CERCAM: variants seen among roughly 807,000 people sequenced by gnomAD.
CERCAM encodes the protein inactive glycosyltransferase 25 family member 3.
A neutral mutation model predicts 66.0 loss-of-function variants in CERCAM; 59 were observed. The observed-to-expected ratio is 0.89, with a 90% CI of 0.73 to 1.11. The LOEUF is 1.11. Ranked by LOEUF, CERCAM falls within the 50% of genes most tolerant of loss-of-function variation. The pLI, the probability that CERCAM is intolerant of heterozygous loss-of-function variation, is 0.00. For synonymous variants in CERCAM, 318 were observed against 343.6 expected (o/e 0.93, Z 0.83); for missense variants, 840 against 828.3 (o/e 1.01, Z -0.17).
chr9:128,423,617 CAAAAA>C (rs751848613), intron 3 of CERCAM, among the ~76,000 whole-genome samples: 1 of 81,886 alleles, frequency 1.2e-5, no homozygotes, highest in Non-Finnish European at 2.7e-5. Context: ...AACTCAGTCT[CAAAAA>C]AAAAAAAAAA....
chr9:128,434,509 T>C lies in CERCAM; in HGVS notation c.1431T>C (p.Tyr477=). 2 of 1,613,548 alleles carry C rather than the reference T, an allele frequency of 1.2e-6. No individual in the cohort carries two copies. The highest frequency in any genetic ancestry group is 1.1e-5 in the South Asian group (1 of 91,084). The change falls in exon 11 of 13, where the codon TAT becomes TAC. Residue 477 remains tyrosine, a synonymous_variant. Transcript: ENST00000372838. This position sits in a 1 kb window ranked among gnomAD's most constrained non-coding sequence, Gnocchi z 4.5. ...GGTACTCCTACTGGACGCTGGCCTA[T>C]GCCCTGCGTCTGGCGGGTGCCCGCA... The part of the protein sequence containing the change: ...VAGYSYWTLA[Y]ALRLAGARKL...
At chr9:128,421,235 A>AC (rs1366583827) in intron 1 of CERCAM, 161 bp downstream of exon 1, 3 of 1,235,220 alleles carry the variant, frequency 2.4e-6, no homozygotes, top group South Asian at 3.9e-5. Context: ...GCCAGAGAGG[A>AC]CCCCGAGCCC....
intron 5 of CERCAM, among the ~76,000 whole-genome samples, chr9:128,426,117 T>G (rs1262278929): frequency 1.3e-5 from 2 of 151,868 alleles, no homozygotes; most frequent in Non-Finnish European, 2.9e-5. Flanking sequence ...AGATCCCATC[T>G]CTACAAAAAA....
Position 128,434,750 on chromosome 9 carries a change from A to G in CERCAM, c.1535+137A>G. On this transcript the variant is annotated intron_variant, in intron 11 of 12. Coordinates refer to ENST00000372838, the MANE Select transcript of CERCAM (RefSeq NM_016174.5). The surrounding 1 kb of genome is among the most constrained non-coding windows in gnomAD (Gnocchi z 4.5). ...AAGGCCAAGCCACTTGGCCCAGGTCACCAAGGAGTGGCTCAGCCTAGCCTT... is the reference window on the plus strand; with the variant it reads ...AAGGCCAAGCCACTTGGCCCAGGTCGCCAAGGAGTGGCTCAGCCTAGCCTT... The G allele has an allele frequency of 2.5e-6, 2 of 785,820 alleles. No individual in the cohort carries two copies. Among genetic ancestry groups the G allele is most frequent in the Middle Eastern group, 3.7e-4 (1 of 2,688 alleles). 48.7% of individuals were successfully genotyped at this position (785,820 alleles called of 1,614,324 possible). A position where few individuals can be genotyped will look rare whatever the true frequency, so the allele number is the denominator to read the frequency against.
intron 5 of CERCAM, among the ~76,000 whole-genome samples, chr9:128,425,308 G>C (rs1588618033): frequency 1.3e-5 from 2 of 151,962 alleles, no homozygotes; most frequent in Middle Eastern, 6.8e-3. Context: ...GCCCGCCTCG[G>C]CCTCCCAAAG....
At chr9:128,435,026 T>C (rs10987987) in intron 11 of CERCAM, among the ~76,000 whole-genome samples, 50,759 of 150,286 alleles carry the variant, frequency 0.34, 11,261 homozygotes, top group African/African-American at 0.64. Context: ...GATGGAGTTT[T>C]GCACTGTCAC....
chr9:128,428,258 A>T lies in CERCAM; in HGVS notation c.767-44A>T, dbSNP rs750172207. On this transcript the variant is annotated intron_variant, in intron 5 of 12. Transcript: ENST00000372838. ...TAGGACCTTTCAGCTGGGTTCTGAG[A>T]GCCCCACCCTCCACTGCAGCTCTCA... 1.2e-6 allele frequency: 2 copies of T among 1,602,776 alleles called. 1 individual carries two copies. Among genetic ancestry groups the T allele is most frequent in the South Asian group, 2.2e-5 (2 of 89,792 alleles).
chr9:128,434,407 C>A lies in CERCAM; in HGVS notation c.1332-3C>A. 6.2e-7 allele frequency: 1 copy of A among 1,613,870 alleles called. No homozygotes were observed. Among genetic ancestry groups the A allele is most frequent in the Non-Finnish European group, 8.5e-7 (1 of 1,179,990 alleles). On this transcript the variant is annotated splice_region_variant and splice_polypyrimidine_tract_variant and intron_variant, in intron 10 of 12. Coordinates refer to ENST00000372838, the MANE Select transcript of CERCAM (RefSeq NM_016174.5). This position sits in a 1 kb window ranked among gnomAD's most constrained non-coding sequence, Gnocchi z 4.5. The stretch of plus-strand genomic sequence containing the variant: ...CTCCTGGGCCCCTTGGTGTCACTTA[C>A]AGCTACCTCGGACGGAAGCAGGTGA...
intron 1 of CERCAM, 121 bp downstream of exon 1, chr9:128,421,195 C>T: frequency 8.1e-7 from 1 of 1,238,352 alleles, no homozygotes; most frequent in Non-Finnish European, 1.0e-6. Flanking sequence ...CAGGCCCCTC[C>T]CCTCACAGAC....
rs893575958 is a variant in CERCAM, at chr9:128,423,354, C to A, written c.426+91C>A. 1.4e-5 allele frequency: 15 copies of A among 1,053,142 alleles called. No individual in the cohort carries two copies. The African/African-American group carries it at 1.9e-4, about 13-fold the overall frequency. The allele number at this position is 1,053,142 out of a possible 1,614,324, so 65.2% of individuals were successfully genotyped here. A position where few individuals can be genotyped will look rare whatever the true frequency, so the allele number is the denominator to read the frequency against. On this transcript the variant is annotated intron_variant, in intron 3 of 12. Transcript: ENST00000372838. Reference sequence around the variant, plus strand: ...GGTATAGGCTGGGTGCAGTGGCTCACGCCTATAATCCTAGCACTTTGGGAG... The same window carrying A: ...GGTATAGGCTGGGTGCAGTGGCTCAAGCCTATAATCCTAGCACTTTGGGAG...
rs1399699029 is a variant in CERCAM, at chr9:128,435,655, A to G, written c.1538A>G (p.Glu513Gly). 6.2e-7 allele frequency: 1 copy of G among 1,605,190 alleles called. No individual in the cohort carries two copies. The highest frequency in any genetic ancestry group is 1.3e-5 in the African/African-American group (1 of 74,760). ...LPIMFDQHPN[E>G]QYKAHFWPRD... ...TGAGCTATCCTCTCACCTTACAGCGAGCAGTACAAGGCACACTTCTGGCCA... is the reference window on the plus strand; with the variant it reads ...TGAGCTATCCTCTCACCTTACAGCGGGCAGTACAAGGCACACTTCTGGCCA... Residue 513 changes from glutamate to glycine, a missense_variant and splice_region_variant, in exon 12 of 13, where the codon GAG becomes GGG. Physicochemically the swap from Glu to Gly is moderately conservative, Grantham distance 98. Coordinates refer to ENST00000372838, the MANE Select transcript of CERCAM (RefSeq NM_016174.5).
At chr9:128,427,412 C>T (rs1833870541) in intron 5 of CERCAM, among the ~76,000 whole-genome samples, 2 of 152,012 alleles carry the variant, frequency 1.3e-5, no homozygotes, top group South Asian at 4.2e-4. Context: ...TGTGCCCCGC[C>T]TAGGTTAGCT....
rs200725064 is a variant in CERCAM, at chr9:128,424,117, T to C, written c.427-21T>C. 9.9e-4 allele frequency: 1,596 copies of C among 1,611,158 alleles called. 4 individuals are homozygous for C. The highest frequency in any genetic ancestry group is 1.1e-3 in the Non-Finnish European group (1,346 of 1,178,564). ...CTGCAGCCCAGGCAGGGCTGGAGCC[T>C]GTGACGTCCCCTCCTCAAAGTTTGC... On this transcript the variant is annotated intron_variant, in intron 3 of 12. Transcript: ENST00000372838.
At position 128,424,587 on chromosome 9, in the gene CERCAM, G is replaced by A. The variant is rs201851324; in HGVS notation, c.739G>A (p.Val247Ile). The A allele has an allele frequency of 5.3e-5, 85 of 1,614,132 alleles. 1 individual carries two copies. In the African/African-American group the frequency reaches 6.5e-4, roughly 12 times the overall value. Reference sequence around the variant, plus strand: ...CACTTGGCCTTTCGACGACATCATCGTCTTCGCCTATGCCTGCCAGGCTGC... The same window carrying A: ...CACTTGGCCTTTCGACGACATCATCATCTTCGCCTATGCCTGCCAGGCTGC... Reference protein sequence around the residue: ...NYTWPFDDIIVFAYACQAAGV... With the variant: ...NYTWPFDDIIIFAYACQAAGV... The change falls in exon 5 of 13, where the codon GTC (valine) becomes ATC (isoleucine). Residue 247 changes from valine to isoleucine, a missense_variant. By Grantham distance (29) the Val-to-Ile change is conservative (BLOSUM62 3). Coordinates refer to ENST00000372838, the MANE Select transcript of CERCAM (RefSeq NM_016174.5).
At chr9:128,436,214 C>G (rs1309618115) in intron 12 of CERCAM, among the ~76,000 whole-genome samples, 1 of 151,784 alleles carries the variant, frequency 6.6e-6, no homozygotes, top group Non-Finnish European at 1.5e-5. Flanking sequence ...CACCACAAGG[C>G]CTGGCTAATT....
At chr9:128,436,009 T>TCTCTCC in intron 12 of CERCAM, 104 bp downstream of exon 12, 1 of 1,200,586 alleles carries the variant, frequency 8.3e-7, no homozygotes, top group Non-Finnish European at 1.1e-6. Context: ...CTCAGCCTTC[T>TCTCTCC]CTCTCCCTCT....
chr9:128,434,613 A>G lies in CERCAM; in HGVS notation c.1535A>G (p.Asn512Ser). 6.3e-7 allele frequency: 1 copy of G among 1,587,462 alleles called. No individual in the cohort carries two copies. The highest frequency in any genetic ancestry group is 8.5e-7 in the Non-Finnish European group (1 of 1,177,084). The change falls in exon 11 of 13, where the codon AAC (asparagine) becomes AGC (serine). Residue 512 changes from asparagine (N) to serine (S), a missense_variant and splice_region_variant. Physicochemically the swap from Asn to Ser is conservative, Grantham distance 46 (BLOSUM62 1). Transcript: ENST00000372838. This position sits in a 1 kb window ranked among gnomAD's most constrained non-coding sequence, Gnocchi z 4.5. ...CCCATCATGTTCGACCAGCACCCCA[A>G]GTGAGGCTCTGATGGGGGCCGGGCA... ...FLPIMFDQHP[N>S]EQYKAHFWPR...
rs768588550 is a variant in CERCAM at position 128,428,949 on chromosome 9, C to T, written c.983C>T (p.Ala328Val). 5.6e-6 allele frequency: 9 copies of T among 1,609,750 alleles called. No homozygotes were observed. The highest frequency in any genetic ancestry group is 3.4e-6 in the Non-Finnish European group (4 of 1,178,134). Reference sequence around the variant, plus strand: ...CTCCAGGTCTTTGTCATCAGCCTGGCTCGCAGGCCTGACCGTCGGGAACGC... The same window carrying T: ...CTCCAGGTCTTTGTCATCAGCCTGGTTCGCAGGCCTGACCGTCGGGAACGC... ...GFDEVFVISLARRPDRRERML... is the reference protein window; with the variant it reads ...GFDEVFVISLVRRPDRRERML... The change falls in exon 8 of 13, where the codon GCT becomes GTT. Residue 328 changes from alanine to valine, a missense_variant. Ala to Val is a moderately conservative substitution (Grantham distance 64). Coordinates refer to ENST00000372838, the MANE Select transcript of CERCAM (RefSeq NM_016174.5).
At chr9:128,436,739 CCTCT>C (rs1197355635) in intron 12 of CERCAM, 106 bp from the exon 13 acceptor site, 1 of 152,416 alleles carries the variant, frequency 6.6e-6, no homozygotes, top group African/African-American at 2.4e-5. Context: ...TAGCTTTTTC[CCTCT>C]CTGTCTGTCT....
Sources: gnomAD v4.1 joint callset for allele counts (sites outside exome capture counted in the v4.1 genomes callset) on GRCh38, gnomAD v4.1.1 for gene constraint, Gnocchi (gnomAD v3.1) non-coding constraint, MANE v1.5 for transcripts, NCBI Gene and HGNC (gene_info 2026-07-23, HGNC 2026-07-21) for gene names.